Variants in KCNIP4 observed in about 807,000 individuals in gnomAD.
The protein encoded by KCNIP4 is Kv channel-interacting protein 4.
A neutral mutation model predicts 34.0 loss-of-function variants in KCNIP4; 12 were observed. That is an observed-to-expected ratio of 0.35 (90% CI 0.23 to 0.57). KCNIP4 has a LOEUF of 0.57. Ranked by LOEUF, KCNIP4 falls within the 20% of genes least tolerant of loss-of-function variation. KCNIP4 has a pLI of 0.83. For missense variants in KCNIP4, 238 were observed against 311.7 expected (o/e 0.76, Z 1.78); for synonymous variants, 124 against 102.2 (o/e 1.21, Z -1.29).
In KCNIP4 at chr4:20,952,279, C is replaced by G. The variant is rs1252285300; in HGVS notation, c.62-69570G>C. On this transcript the variant is annotated intron_variant, in intron 1 of 8. Coordinates refer to ENST00000382152, the MANE Select transcript of KCNIP4 (RefSeq NM_025221.6). Reference sequence around the variant, plus strand: ...CTCACAAAAGAAGAAAGTAAAGAAACAGATTATATCTAGGCACTTCTATGT... The same window carrying G: ...CTCACAAAAGAAGAAAGTAAAGAAAGAGATTATATCTAGGCACTTCTATGT... 2.0e-5 allele frequency among the ~76,000 whole-genome samples: 3 copies of G among 151,902 alleles called. No homozygotes were observed. In the East Asian group the frequency reaches 5.8e-4, roughly 29 times the overall value.
Position 21,232,717 on chromosome 4 carries a change from C to T in KCNIP4, c.62-350008G>A, listed in dbSNP as rs546649241. 2.6e-5 allele frequency among the ~76,000 whole-genome samples: 4 copies of T among 152,194 alleles called. No homozygotes were observed. In the South Asian group the frequency reaches 6.2e-4, roughly 24 times the overall value. Reference sequence around the variant, plus strand: ...CTTAGAGCACAGACCCTGTGCAAAGCGTTAAGAGTTATTCTTGCCTTCGAA... The same window carrying T: ...CTTAGAGCACAGACCCTGTGCAAAGTGTTAAGAGTTATTCTTGCCTTCGAA... On this transcript the variant is annotated intron_variant, in intron 1 of 8. Transcript: ENST00000382152.
chr4:20,902,052 C>G (rs964947191), intron 1 of KCNIP4, among the ~76,000 whole-genome samples: 1 of 152,152 alleles, frequency 6.6e-6, no homozygotes, highest in Admixed American at 6.6e-5. Flanking sequence ...AATTATCCCA[C>G]AAGGAAACCT....
chr4:21,683,757 CTTACT>C (rs1395580905), intron 1 of KCNIP4, among the ~76,000 whole-genome samples: 2 of 152,176 alleles, frequency 1.3e-5, no homozygotes, highest in East Asian at 3.9e-4. Context: ...AAAAACAATG[CTTACT>C]TTAAAGAAGA....
intron 1 of KCNIP4, among the ~76,000 whole-genome samples, chr4:21,572,228 G>T (rs917593117): frequency 6.6e-6 from 1 of 152,122 alleles, no homozygotes; most frequent in Non-Finnish European, 1.5e-5. Flanking sequence ...ATGTGTTTTG[G>T]CTCTGTGATG....
chr4:21,458,700 A>C (rs1307698896), intron 1 of KCNIP4, among the ~76,000 whole-genome samples: 1 of 152,024 alleles, frequency 6.6e-6, no homozygotes, highest in Non-Finnish European at 1.5e-5. Flanking sequence ...TTTACTTTAG[A>C]CTTTTCATTC....
chr4:20,773,823 T>C (rs149675790), intron 3 of KCNIP4, among the ~76,000 whole-genome samples: 156 of 152,294 alleles, frequency 1.0e-3, no homozygotes, highest in African/African-American at 3.6e-3. Context: ...GATATTACAT[T>C]TGGTGTACGT....
At chr4:21,043,233 T>C (rs1243819275) in intron 1 of KCNIP4, among the ~76,000 whole-genome samples, 1 of 152,230 alleles carries the variant, frequency 6.6e-6, no homozygotes, top group Non-Finnish European at 1.5e-5. Context: ...GTAAAGAGAT[T>C]CTCATTTAAA....
intron 1 of KCNIP4, among the ~76,000 whole-genome samples, chr4:21,077,693 C>T (rs1026757141): frequency 2.0e-5 from 3 of 152,060 alleles, no homozygotes; most frequent in Non-Finnish European, 4.4e-5. Context: ...TTAATTAGCT[C>T]ATATAATAAA....
At chr4:21,027,046 T>C (rs993281639) in intron 1 of KCNIP4, among the ~76,000 whole-genome samples, 2 of 152,214 alleles carry the variant, frequency 1.3e-5, no homozygotes, top group Non-Finnish European at 2.9e-5. Flanking sequence ...ATTCTGACTG[T>C]GTTGAGAAAA....
chr4:20,874,542 T>C (rs1247346410), intron 2 of KCNIP4, among the ~76,000 whole-genome samples: 1 of 152,188 alleles, frequency 6.6e-6, no homozygotes, highest in Non-Finnish European at 1.5e-5. Flanking sequence ...CTGACACTCC[T>C]ACCTCTAGCT....
At chr4:21,751,954 T>C (rs1359474129) in intron 1 of KCNIP4, among the ~76,000 whole-genome samples, 1 of 152,206 alleles carries the variant, frequency 6.6e-6, no homozygotes, top group Non-Finnish European at 1.5e-5. Context: ...CTTTCTACTG[T>C]TCTGCAGGTG....
chr4:21,203,625 T>C (rs1756646305), intron 1 of KCNIP4, among the ~76,000 whole-genome samples: 1 of 152,196 alleles, frequency 6.6e-6, no homozygotes, highest in Admixed American at 6.5e-5. Flanking sequence ...TGCCCTGTTC[T>C]TGCCCCTGCT....
chr4:21,870,704 G>T (rs1298504439), intron 1 of KCNIP4, among the ~76,000 whole-genome samples: 1 of 152,072 alleles, frequency 6.6e-6, no homozygotes, highest in Admixed American at 6.6e-5. Context: ...TCTGACTTTG[G>T]ACTCGCTCTC....
intron 1 of KCNIP4, among the ~76,000 whole-genome samples, chr4:21,802,766 G>A (rs986455331): frequency 2.6e-5 from 4 of 151,980 alleles, no homozygotes; most frequent in South Asian, 2.1e-4. Context: ...ATAAAGACAC[G>A]GTTCCAATAA....
chr4:21,288,758 C>A (rs1763266171), intron 1 of KCNIP4, among the ~76,000 whole-genome samples: 2 of 152,162 alleles, frequency 1.3e-5, no homozygotes, highest in Admixed American at 6.5e-5. Context: ...TGAGTAAGTA[C>A]TGACCAAGTC....
In KCNIP4 at chr4:21,806,866, G is replaced by A. The variant is rs187990216; in HGVS notation, c.61+141705C>T. On this transcript the variant is annotated intron_variant, in intron 1 of 8. Transcript: ENST00000382152. Reference sequence around the variant, plus strand: ...GGAATACAGTTTTTCTACAGACAAGGAGGGTTGGATGGGATAGTTGTGGGA... The same window carrying A: ...GGAATACAGTTTTTCTACAGACAAGAAGGGTTGGATGGGATAGTTGTGGGA... Among the ~76,000 whole-genome samples, 6 of 152,252 alleles carry A rather than the reference G, an allele frequency of 3.9e-5. No individual in the cohort carries two copies. In the South Asian group the frequency reaches 1.0e-3, roughly 26 times the overall value.
chr4:20,868,980 AAAG>A (rs1277908140), intron 2 of KCNIP4, among the ~76,000 whole-genome samples: 1 of 152,158 alleles, frequency 6.6e-6, no homozygotes, highest in African/African-American at 2.4e-5. Flanking sequence ...AGAATTTGAA[AAAG>A]AAGAACATTA....
intron 1 of KCNIP4, among the ~76,000 whole-genome samples, chr4:21,183,985 T>C (rs552780492): frequency 6.6e-6 from 1 of 152,264 alleles, no homozygotes; most frequent in African/African-American, 2.4e-5. Flanking sequence ...CGTATCTCAC[T>C]ACCAAAAATT....
chr4:21,688,449 G>C (rs1399597966), intron 1 of KCNIP4, among the ~76,000 whole-genome samples: 2 of 152,120 alleles, frequency 1.3e-5, no homozygotes, highest in African/African-American at 4.8e-5. Flanking sequence ...AGAAGATACT[G>C]ATCTACCTGA....
Sources: gnomAD v4.1 joint callset for allele counts (sites outside exome capture counted in the v4.1 genomes callset) on GRCh38, gnomAD v4.1.1 for gene constraint, MANE v1.5 for transcripts, NCBI Gene and HGNC (gene_info 2026-07-23, HGNC 2026-07-21) for gene names.